The following CCDC102B variants were observed in gnomAD, a reference collection of about 807,000 sequenced individuals.
The protein encoded by CCDC102B is coiled-coil domain containing 102B, also known as coiled-coil domain-containing protein 102B.
CCDC102B carries 75 observed loss-of-function variants against 57.4 expected under a neutral mutation model. The ratio of observed to expected loss-of-function variants is 1.31; its 90% CI spans 1.08 to 1.58. The LOEUF (loss-of-function observed/expected upper bound fraction) is 1.58. Among genes scored for constraint, CCDC102B ranks in the 40% most tolerant of loss-of-function variants. CCDC102B has a pLI of 0.00. For synonymous variants in CCDC102B, 206 were observed against 201.9 expected (o/e 1.02, Z -0.17); for missense variants, 636 against 582.6 (o/e 1.09, Z -0.94).
intron 1 of CCDC102B, among the ~76,000 whole-genome samples, chr18:68,802,915 T>G (rs928703668): frequency 8.5e-5 from 13 of 152,196 alleles, no homozygotes; most frequent in Admixed American, 6.5e-4. Flanking sequence ...CTATCCACTT[T>G]CCACGCTGTT....
intron 2 of CCDC102B, among the ~76,000 whole-genome samples, chr18:68,733,361 T>C (rs925854279): frequency 1.3e-5 from 2 of 151,908 alleles, no homozygotes; most frequent in Non-Finnish European, 2.9e-5. Context: ...ATACTCTTGC[T>C]TAAGTCTCTT....
At chr18:68,725,052 A>G (rs1370634845) in intron 2 of CCDC102B, among the ~76,000 whole-genome samples, 1 of 152,214 alleles carries the variant, frequency 6.6e-6, no homozygotes, top group Non-Finnish European at 1.5e-5. Flanking sequence ...GCAGCAGGAG[A>G]GAGAAGCGGT....
chr18:69,035,928 T>C (rs72959984), intron 7 of CCDC102B, among the ~76,000 whole-genome samples: 4,982 of 152,034 alleles, frequency 0.033, 137 homozygotes, highest in East Asian at 0.15. Context: ...CCAAGCTGGA[T>C]AGATTATAAG....
In CCDC102B at chr18:68,762,093, A is replaced by G. The variant is rs74693318; in HGVS notation, c.-67+45499A>G. Among the ~76,000 whole-genome samples the G allele has an allele frequency of 6.0e-3, 921 of 152,236 alleles. 13 individuals are homozygous for G. The highest frequency in any genetic ancestry group is 0.02 in the African/African-American group (845 of 41,554). ...CCTTATTCAAAGTTTCCCTTTCCACAGTTTTTGTTACGCACAGTCAACCAT... is the reference window on the plus strand; with the variant it reads ...CCTTATTCAAAGTTTCCCTTTCCACGGTTTTTGTTACGCACAGTCAACCAT... On this transcript the variant is annotated intron_variant, in intron 2 of 3. Coordinates refer to the CCDC102B transcript ENST00000578970.
intron 2 of CCDC102B, among the ~76,000 whole-genome samples, chr18:68,740,397 A>C (rs1190373769): frequency 6.6e-6 from 1 of 152,240 alleles, no homozygotes; most frequent in East Asian, 1.9e-4. Context: ...AAGTAAAATA[A>C]AAATGATTAT....
chr18:68,986,637 A>G (rs1165680794), intron 6 of CCDC102B, among the ~76,000 whole-genome samples: 1 of 152,032 alleles, frequency 6.6e-6, no homozygotes, highest in Non-Finnish European at 1.5e-5. Context: ...ATCTTCACTG[A>G]TGATATGATT....
intron 2 of CCDC102B, among the ~76,000 whole-genome samples, chr18:68,764,326 G>A (rs1221409371): frequency 2.0e-5 from 3 of 152,132 alleles, no homozygotes; most frequent in African/African-American, 7.2e-5. Context: ...TTCTTTGAAT[G>A]TATTATTCCA....
At chr18:68,821,295 A>G (rs2036680961) in intron 1 of CCDC102B, among the ~76,000 whole-genome samples, 1 of 151,986 alleles carries the variant, frequency 6.6e-6, no homozygotes, top group African/African-American at 2.4e-5. Context: ...GCAGTCATTT[A>G]TTCTCATCAT....
intron 6 of CCDC102B, among the ~76,000 whole-genome samples, chr18:68,930,301 T>C (rs940518711): frequency 6.7e-6 from 1 of 149,950 alleles, no homozygotes; most frequent in Non-Finnish European, 1.5e-5. Context: ...TACATACATA[T>C]ACTACGTATT....
intron 7 of CCDC102B, among the ~76,000 whole-genome samples, chr18:69,012,421 T>TCACA (rs1339732666): frequency 3.3e-5 from 5 of 152,180 alleles, no homozygotes; most frequent in Non-Finnish European, 1.5e-5. Flanking sequence ...AAGATCTGAT[T>TCACA]CACAGTGTAA....
chr18:68,957,726 A>G (rs1300116455), intron 6 of CCDC102B, among the ~76,000 whole-genome samples: 1 of 152,018 alleles, frequency 6.6e-6, no homozygotes, highest in Non-Finnish European at 1.5e-5. Context: ...TTTTAACAAT[A>G]TTGATTCTTT....
intron 2 of CCDC102B, among the ~76,000 whole-genome samples, chr18:68,720,789 C>T (rs1456216237): frequency 1.3e-5 from 2 of 152,110 alleles, no homozygotes; most frequent in Non-Finnish European, 2.9e-5. Flanking sequence ...AGACTCCTGA[C>T]TCATATGGGC....
At chr18:68,973,060 C>T (rs959454114) in intron 6 of CCDC102B, among the ~76,000 whole-genome samples, 3 of 152,108 alleles carry the variant, frequency 2.0e-5, no homozygotes, top group Non-Finnish European at 4.4e-5. Flanking sequence ...AATGGTAATA[C>T]ACTCATATCA....
At chr18:68,794,260 C>T (rs540979400), upstream of CCDC102B, among the ~76,000 whole-genome samples, 6 of 152,140 alleles carry the variant, frequency 3.9e-5, no homozygotes, top group South Asian at 1.2e-3. Context: ...AATAGCTTCC[C>T]CATCTCCAGC....
intron 3 of CCDC102B, among the ~76,000 whole-genome samples, chr18:68,842,171 A>AT (rs1331723627): frequency 6.6e-6 from 1 of 151,520 alleles, no homozygotes. Flanking sequence ...AAAGGATATT[A>AT]TTTTTTATAT....
chr18:68,790,571 G>T (rs12606154), intron 2 of CCDC102B, among the ~76,000 whole-genome samples: 6 of 152,074 alleles, frequency 3.9e-5, no homozygotes, highest in Admixed American at 2.6e-4. Flanking sequence ...TGCAGTATTC[G>T]GGTGGGAGTG....
At chr18:68,880,920 G>A (rs2039672925) in intron 5 of CCDC102B, among the ~76,000 whole-genome samples, 2 of 152,054 alleles carry the variant, frequency 1.3e-5, no homozygotes, top group Admixed American at 1.3e-4. Context: ...TCTGGAATTG[G>A]GTTTTATAGG....
chr18:68,732,146 CA>C (rs916806271), intron 2 of CCDC102B, among the ~76,000 whole-genome samples: 3 of 151,152 alleles, frequency 2.0e-5, no homozygotes, highest in Non-Finnish European at 4.4e-5. Flanking sequence ...TACACTGCTT[CA>C]GGGGGGAATC....
chr18:68,724,670 G>T (rs971630608), intron 2 of CCDC102B, among the ~76,000 whole-genome samples: 3 of 152,110 alleles, frequency 2.0e-5, no homozygotes, highest in Non-Finnish European at 4.4e-5. Context: ...CAGCATTTTG[G>T]TCAAAGCCAT....
Sources: gnomAD v4.1 joint callset for allele counts (sites outside exome capture counted in the v4.1 genomes callset) on GRCh38, gnomAD v4.1.1 for gene constraint, MANE v1.5 for transcripts, NCBI Gene and HGNC (gene_info 2026-07-23, HGNC 2026-07-21) for gene names.